Variants in THSD7B observed in about 807,000 individuals in gnomAD.
THSD7B encodes the protein thrombospondin type 1 domain containing 7B, also known as thrombospondin type-1 domain-containing protein 7B.
In THSD7B, 138 loss-of-function variants were observed where a neutral mutation model predicts 213.6. The ratio of observed to expected loss-of-function variants is 0.65; its 90% CI spans 0.56 to 0.74. The LOEUF (loss-of-function observed/expected upper bound fraction) is 0.74. THSD7B is among the 30% of genes least tolerant of loss of function. THSD7B has a pLI of 0.00. For missense variants in THSD7B, 1,931 were observed against 1,991.5 expected (o/e 0.97, Z 0.58); for synonymous variants, 742 against 687.0 (o/e 1.08, Z -1.25).
intron 12 of THSD7B, among the ~76,000 whole-genome samples, chr2:137,366,171 C>T (rs1418580558): frequency 6.6e-6 from 1 of 152,058 alleles, no homozygotes; most frequent in Non-Finnish European, 1.5e-5. Flanking sequence ...TGTTCTCACT[C>T]ATAGGTGGGA....
chr2:137,197,064 A>G (rs1680779325), intron 7 of THSD7B, among the ~76,000 whole-genome samples: 1 of 152,206 alleles, frequency 6.6e-6, no homozygotes, highest in Admixed American at 6.5e-5. Flanking sequence ...GAAACTTCGG[A>G]CCAATGCAAA....
intron 9 of THSD7B, among the ~76,000 whole-genome samples, chr2:137,238,476 T>C (rs1289444357): frequency 1.3e-5 from 2 of 151,496 alleles, no homozygotes; most frequent in Non-Finnish European, 2.9e-5. Context: ...ATATAAATTT[T>C]CCTTACCAGA....
intron 1 of THSD7B, among the ~76,000 whole-genome samples, chr2:136,871,257 T>C (rs979030710): frequency 3.9e-5 from 6 of 152,212 alleles, no homozygotes; most frequent in Middle Eastern, 3.4e-3. Context: ...AGGTTGAAGA[T>C]AGGGGAATAG....
intron 11 of THSD7B, among the ~76,000 whole-genome samples, chr2:137,273,510 G>A (rs976346979): frequency 2.6e-5 from 4 of 151,986 alleles, no homozygotes; most frequent in African/African-American, 7.2e-5. Context: ...AGGTTTTATC[G>A]GCACACTTAT....
chr2:136,945,284 T>G (rs1684917051), intron 2 of THSD7B, among the ~76,000 whole-genome samples: 1 of 152,148 alleles, frequency 6.6e-6, no homozygotes, highest in East Asian at 1.9e-4. Flanking sequence ...TTGAAGCTTG[T>G]GCATGTGTCA....
intron 7 of THSD7B, among the ~76,000 whole-genome samples, chr2:137,223,536 C>G (rs1195453130): frequency 6.6e-6 from 1 of 152,156 alleles, no homozygotes; most frequent in Non-Finnish European, 1.5e-5. Flanking sequence ...CCTGTTCTCA[C>G]CCACCCTGAC....
chr2:136,967,638 A>G (rs1685341919), intron 2 of THSD7B, among the ~76,000 whole-genome samples: 1 of 152,216 alleles, frequency 6.6e-6, no homozygotes, highest in Non-Finnish European at 1.5e-5. Flanking sequence ...TGCAAGTTTG[A>G]AGAATAATGG....
chr2:137,403,922 C>T (rs950284725), intron 12 of THSD7B, among the ~76,000 whole-genome samples: 1 of 151,882 alleles, frequency 6.6e-6, no homozygotes, highest in African/African-American at 2.4e-5. Context: ...ATTTACACAC[C>T]CACAAAAAAA....
intron 14 of THSD7B, among the ~76,000 whole-genome samples, chr2:137,417,428 A>ATTTTG (rs1249196192): frequency 6.7e-6 from 1 of 150,298 alleles, no homozygotes; most frequent in Non-Finnish European, 1.5e-5. Flanking sequence ...AAAATTAACC[A>ATTTTG]TTTTATTTTA....
intron 7 of THSD7B, among the ~76,000 whole-genome samples, chr2:137,213,041 AAAAAAAGGTTAT>A (rs1681153332): frequency 1.3e-5 from 2 of 151,530 alleles, no homozygotes; most frequent in African/African-American, 2.4e-5. Context: ...AAAAAAAAAA[AAAAAAAGGTTAT>A]ACAGAAACGT....
At position 137,642,538 on chromosome 2, in the gene THSD7B, C is replaced by T. The variant is rs745538323; in HGVS notation, c.3850C>T (p.Arg1284Trp). ...FIIMPTQGEG[R>W]PCPTELTQEK... ...CATTATGCCAACCCAAGGAGAAGGACGGCCATGCCCCACAGAGCTTACCCA... is the reference window on the plus strand; with the variant it reads ...CATTATGCCAACCCAAGGAGAAGGATGGCCATGCCCCACAGAGCTTACCCA... The change falls in exon 21 of 28, where the codon CGG (arginine) becomes TGG (tryptophan). Residue 1284 changes from arginine (R) to tryptophan (W), a missense_variant. Transcript: ENST00000409968. The T allele has an allele frequency of 4.6e-5, 74 of 1,613,822 alleles. No homozygotes were observed. In the Middle Eastern group the frequency reaches 6.6e-4, roughly 14 times the overall value.
intron 5 of THSD7B, among the ~76,000 whole-genome samples, chr2:137,147,894 A>G (rs1208006867): frequency 6.6e-6 from 1 of 152,014 alleles, no homozygotes; most frequent in East Asian, 1.9e-4. Flanking sequence ...TCTCCCTTCA[A>G]ATTCTTGATC....
chr2:136,967,307 A>T (rs190442913), intron 2 of THSD7B, among the ~76,000 whole-genome samples: 9 of 152,278 alleles, frequency 5.9e-5, no homozygotes, highest in Admixed American at 5.9e-4. Context: ...GGGTTGCCCT[A>T]CTGTTTTCAA....
intron 15 of THSD7B, among the ~76,000 whole-genome samples, chr2:137,545,028 A>C (rs777159685): frequency 4.0e-5 from 6 of 151,758 alleles, no homozygotes; most frequent in Non-Finnish European, 7.4e-5. Context: ...ACTTCAAGGC[A>C]TGTGTCTGTC....
intron 7 of THSD7B, among the ~76,000 whole-genome samples, chr2:137,221,071 C>T (rs187923198): frequency 1.3e-5 from 2 of 152,174 alleles, no homozygotes; most frequent in Admixed American, 6.5e-5. Flanking sequence ...GAGTCCGAGG[C>T]GGGCGGATCA....
At chr2:137,208,250 C>T (rs1403691284) in intron 7 of THSD7B, among the ~76,000 whole-genome samples, 1 of 152,020 alleles carries the variant, frequency 6.6e-6, no homozygotes, top group Non-Finnish European at 1.5e-5. Context: ...ACTGGAGCCT[C>T]AGTAAATTTA....
chr2:137,614,345 TG>T (rs1682343433), intron 17 of THSD7B, among the ~76,000 whole-genome samples: 1 of 152,144 alleles, frequency 6.6e-6, no homozygotes, highest in African/African-American at 2.4e-5. Context: ...ATAAGTGAAT[TG>T]TTCAAGGTTA....
chr2:137,375,341 C>G (rs1685630092), intron 12 of THSD7B, among the ~76,000 whole-genome samples: 1 of 152,044 alleles, frequency 6.6e-6, no homozygotes, highest in South Asian at 2.1e-4. Flanking sequence ...TCACTTTAAG[C>G]AAATTCAGCT....
At chr2:137,128,198 T>C (rs1347830356) in intron 5 of THSD7B, among the ~76,000 whole-genome samples, 1 of 152,194 alleles carries the variant, frequency 6.6e-6, no homozygotes, top group Non-Finnish European at 1.5e-5. Context: ...ACTCTTTTAG[T>C]GTACTATAGA....
Sources: allele counts gnomAD v4.1 joint callset (sites outside exome capture counted in the v4.1 genomes callset), GRCh38; gene constraint gnomAD v4.1.1; transcripts MANE v1.5; gene names NCBI Gene and HGNC (gene_info 2026-07-23, HGNC 2026-07-21).